Variants in BRWD3 observed in about 807,000 individuals in gnomAD.
The protein encoded by BRWD3 is bromodomain and WD repeat-containing protein 3.
In BRWD3, 10 loss-of-function variants were observed where a neutral mutation model predicts 149.7. The observed-to-expected ratio is 0.07, with a 90% CI of 0.04 to 0.11. The LOEUF (loss-of-function observed/expected upper bound fraction) is 0.11, where lower values mean the gene tolerates loss of function less well. Ranked by LOEUF, BRWD3 falls within the 10% of genes least tolerant of loss-of-function variation. The pLI, the probability that BRWD3 is intolerant of heterozygous loss-of-function variation, is 1.00. For missense variants in BRWD3, 940 were observed against 1,373.2 expected, an observed-to-expected ratio of 0.68 and a Z score of 4.99; for synonymous variants, 504 against 456.7, an observed-to-expected ratio of 1.10 and a Z score of -1.32.
intron 33 of BRWD3, 113 bp downstream of exon 33, chrX:80,689,655 G>T: frequency 1.5e-6 from 1 of 652,266 alleles, no homozygotes; most frequent in Non-Finnish European, 2.4e-6. Context: ...TATTCAGCCA[G>T]ATTTCAAAAA....
chrX:80,682,702 T>C (rs1473652653), intron 37 of BRWD3, 74 bp from the exon 38 acceptor site: 2 of 984,792 alleles, frequency 2.0e-6, no homozygotes, highest in African/African-American at 1.9e-5. Context: ...CCTAGACCAA[T>C]ATTAAGCATC....
At chrX:80,792,829 C>T (rs1406749759) in intron 5 of BRWD3, among the ~76,000 whole-genome samples, 2 of 110,575 alleles carry the variant, frequency 1.8e-5, no homozygotes, top group African/African-American at 6.6e-5. Flanking sequence ...TGGGAAAAAT[C>T]TGTAAAACAC....
intron 37 of BRWD3, among the ~76,000 whole-genome samples, chrX:80,683,791 C>CT (rs747305209): frequency 1.8e-5 from 2 of 111,122 alleles, no homozygotes; most frequent in South Asian, 7.5e-4. Context: ...ACTACCTCTC[C>CT]TCTCCTTGTT....
At chrX:80,747,614 C>A (rs2073611235) in intron 6 of BRWD3, among the ~76,000 whole-genome samples, 1 of 111,604 alleles carries the variant, frequency 9.0e-6, no homozygotes, top group African/African-American at 3.3e-5. Flanking sequence ...TCTTCAATTT[C>A]TTTCATCAAT....
chrX:80,733,301 G>A, intron 12 of BRWD3, 155 bp downstream of exon 12: 1 of 426,148 alleles, frequency 2.3e-6, no homozygotes, highest in South Asian at 4.4e-5. Flanking sequence ...GATTGTGGAA[G>A]TGATGGCTAA....
At chrX:80,681,646 G>T (rs1031328595) in intron 39 of BRWD3, 147 bp from the exon 40 acceptor site, 6 of 522,214 alleles carry the variant, frequency 1.1e-5, no homozygotes, top group African/African-American at 9.5e-5. Context: ...AATATTTTGA[G>T]AACAAAGGGT....
intron 33 of BRWD3, 28 bp from the exon 34 acceptor site, chrX:80,688,153 G>T (rs1183028057): frequency 1.8e-6 from 2 of 1,096,172 alleles, no homozygotes; most frequent in African/African-American, 1.8e-5. Flanking sequence ...AGTGGGAAAA[G>T]ACGTTAAGTT....
intron 6 of BRWD3, among the ~76,000 whole-genome samples, chrX:80,787,129 C>A (rs184804572): frequency 1.8e-5 from 2 of 110,491 alleles, no homozygotes; most frequent in African/African-American, 6.6e-5. Flanking sequence ...TATATAAAAA[C>A]CATAAAATCC....
intron 11 of BRWD3, among the ~76,000 whole-genome samples, 170 bp downstream of exon 11, chrX:80,733,941 TAGAATAA>T (rs776663610): frequency 9.0e-6 from 1 of 111,704 alleles, no homozygotes; most frequent in South Asian, 3.7e-4. Flanking sequence ...AATCTTCTTT[TAGAATAA>T]TTAACCCATA....
At chrX:80,704,267 A>G (rs1480471906) in intron 23 of BRWD3, among the ~76,000 whole-genome samples, 1 of 110,594 alleles carries the variant, frequency 9.0e-6, no homozygotes, top group African/African-American at 3.3e-5. Context: ...AACATAGTGG[A>G]ATGGAGGGAG....
rs1044007511 is a variant in BRWD3 at position 80,808,933 on chromosome X, C to T, written c.120+80G>A. 10 of 1,064,931 alleles carry T rather than the reference C, an allele frequency of 9.4e-6. No homozygotes were observed. The East Asian group carries it at 1.3e-4, about 14-fold the overall frequency. The allele number at this position is 1,064,931 out of a possible 1,213,427, so 87.8% of individuals were successfully genotyped here. Reference sequence around the variant, plus strand: ...CCAGATCGAAGCCTCTATCCCAGCCCGTCTTCCGCCCCTGACTTGCCCTCC... The same window carrying T: ...CCAGATCGAAGCCTCTATCCCAGCCTGTCTTCCGCCCCTGACTTGCCCTCC... On this transcript the variant is annotated intron_variant, in intron 3 of 40. Transcript: ENST00000373275.
intron 9 of BRWD3, 124 bp downstream of exon 9, chrX:80,735,864 T>G: frequency 2.3e-6 from 1 of 427,922 alleles, no homozygotes; most frequent in Non-Finnish European, 4.0e-6. Context: ...TAGGTATGGA[T>G]ATGTATACAC....
At chrX:80,698,844 A>AT (rs762528498) in intron 25 of BRWD3, among the ~76,000 whole-genome samples, 8 of 111,527 alleles carry the variant, frequency 7.2e-5, no homozygotes, top group Non-Finnish European at 1.3e-4. Flanking sequence ...AGCTCACTTG[A>AT]TAAGCTACTT....
At chrX:80,787,618 T>C (rs2074124449) in intron 6 of BRWD3, among the ~76,000 whole-genome samples, 1 of 106,238 alleles carries the variant, frequency 9.4e-6, no homozygotes, top group Admixed American at 1.0e-4. Context: ...ACACCTGATA[T>C]AAAAATTAAA....
chrX:80,781,474 A>T (rs899532236), intron 6 of BRWD3, among the ~76,000 whole-genome samples: 10 of 111,212 alleles, frequency 9.0e-5, no homozygotes, highest in Non-Finnish European at 1.5e-4. Flanking sequence ...GGCCTGGGAA[A>T]TCCAGCTAGT....
chrX:80,731,711 G>A (rs1426209830), intron 12 of BRWD3, among the ~76,000 whole-genome samples: 3 of 109,056 alleles, frequency 2.8e-5, no homozygotes, highest in Non-Finnish European at 3.8e-5. Flanking sequence ...TGGCTAACAC[G>A]GTGAAACCCC....
intron 6 of BRWD3, among the ~76,000 whole-genome samples, chrX:80,789,343 T>C (rs1033750786): frequency 9.8e-5 from 11 of 112,659 alleles, no homozygotes; most frequent in African/African-American, 3.5e-4. Context: ...AGGATCTTAA[T>C]AGATATTCTG....
chrX:80,674,172 A>G lies in BRWD3; in HGVS notation c.*2437T>C, dbSNP rs1383761572. ...TTAAATCTTAATAACTGAAATAAAC[A>G]TTACAGCAAAATGCTGTTCACTAAT... On this transcript the variant is annotated 3_prime_UTR_variant, in exon 41 of 41. Coordinates refer to ENST00000373275, the MANE Select transcript of BRWD3 (RefSeq NM_153252.5). The G allele has an allele frequency of 8.9e-6, 1 of 111,922 alleles. No individual in the cohort carries two copies. The highest frequency in any genetic ancestry group is 1.9e-5 in the Non-Finnish European group (1 of 53,040). 9.2% of individuals were successfully genotyped at this position (111,922 alleles called of 1,213,427 possible).
intron 20 of BRWD3, among the ~76,000 whole-genome samples, chrX:80,712,342 G>A (rs1221946457): frequency 9.0e-6 from 1 of 110,736 alleles, no homozygotes; most frequent in African/African-American, 3.3e-5. Context: ...GTGGAGACGG[G>A]GTTTCGCTGT....
Sources: gnomAD v4.1 joint callset for allele counts (sites outside exome capture counted in the v4.1 genomes callset) on GRCh38, gnomAD v4.1.1 for gene constraint, MANE v1.5 for transcripts, NCBI Gene and HGNC (gene_info 2026-07-23, HGNC 2026-07-21) for gene names.